Variants in RANBP2 observed in about 807,000 individuals in gnomAD.
RANBP2 encodes the protein RAN binding protein 2.
In RANBP2, 57 loss-of-function variants were observed where a neutral mutation model predicts 303.6. The ratio of observed to expected loss-of-function variants is 0.19; its 90% CI spans 0.15 to 0.23. RANBP2 has a LOEUF of 0.23. RANBP2 is among the 10% of genes least tolerant of loss of function. RANBP2 has a pLI of 1.00. For synonymous variants in RANBP2, 1,167 were observed against 1,301.5 expected, an observed-to-expected ratio of 0.90 and a Z score of 2.23; for missense variants, 3,138 against 3,780.8, an observed-to-expected ratio of 0.83 and a Z score of 4.46.
At chr2:109,466,052 C>T in the RANBP2 span, among the ~76,000 whole-genome samples, 2 of 139,984 alleles carry the variant, frequency 1.4e-5, no homozygotes, top group Non-Finnish European at 3.1e-5. Flanking sequence ...TTTTCATATG[C>T]TTATCTGCTA....
the RANBP2 span, chr2:109,615,355 G>T: frequency 6.2e-7 from 1 of 1,612,674 alleles, no homozygotes; most frequent in Non-Finnish European, 8.5e-7. Context: ...TTGCTCACCT[G>T]CGAGCCCGGC....
At chr2:109,716,124 T>A in the RANBP2 span, among the ~76,000 whole-genome samples, 3 of 152,146 alleles carry the variant, frequency 2.0e-5, 1 homozygote, top group Non-Finnish European at 4.4e-5. Flanking sequence ...GTCGCATGAC[T>A]GAATCCACAT....
At chr2:109,286,132 C>A in the RANBP2 span, among the ~76,000 whole-genome samples, 1 of 152,164 alleles carries the variant, frequency 6.6e-6, no homozygotes, top group Non-Finnish European at 1.5e-5. Flanking sequence ...AGGCCTGGTG[C>A]TTTGTACCTG....
chr2:108,831,700 T>TTCCTTCCTTCCTTCCTTCCTTC, the RANBP2 span, among the ~76,000 whole-genome samples: 2 of 145,152 alleles, frequency 1.4e-5, no homozygotes, highest in African/African-American at 5.2e-5. Flanking sequence ...TGGCACAGAA[T>TTCCTTCCTTCCTTCCTTCCTTC]CTTCCTTCCT....
At chr2:109,103,018 CAG>C in the RANBP2 span, among the ~76,000 whole-genome samples, 8 of 152,156 alleles carry the variant, frequency 5.3e-5, no homozygotes, top group African/African-American at 1.9e-4. Flanking sequence ...TGGCAGCAAA[CAG>C]TGAGCTGCAT....
At chr2:109,542,413 C>T in the RANBP2 span, among the ~76,000 whole-genome samples, 2 of 152,162 alleles carry the variant, frequency 1.3e-5, no homozygotes, top group Admixed American at 6.5e-5. Context: ...TTCTTTTCAA[C>T]CAGAAACTTG....
At chr2:108,913,562 C>T in the RANBP2 span, among the ~76,000 whole-genome samples, 27 of 152,220 alleles carry the variant, frequency 1.8e-4, no homozygotes, top group African/African-American at 6.5e-4. Context: ...CCTGTAATCC[C>T]AGCACTTTGG....
At chr2:109,375,198 C>T in the RANBP2 span, among the ~76,000 whole-genome samples, 1 of 152,264 alleles carries the variant, frequency 6.6e-6, no homozygotes, top group Admixed American at 6.5e-5. Context: ...CTGTGCTCAC[C>T]GGAGATACCT....
At chr2:109,567,893 T>C in the RANBP2 span, 1 of 1,613,902 alleles carries the variant, frequency 6.2e-7, no homozygotes, top group Non-Finnish European at 8.5e-7. Context: ...TGCTGACCAA[T>C]TCACTCATGA....
chr2:108,840,540 C>T, the RANBP2 span, among the ~76,000 whole-genome samples: 5 of 152,130 alleles, frequency 3.3e-5, no homozygotes, highest in South Asian at 2.1e-4. Context: ...TAATTCATAT[C>T]GATGATTTGT....
At chr2:108,833,300 G>C in the RANBP2 span, among the ~76,000 whole-genome samples, 1 of 152,216 alleles carries the variant, frequency 6.6e-6, no homozygotes, top group African/African-American at 2.4e-5. Flanking sequence ...TACCACACTG[G>C]TAAAGATGTT....
At chr2:109,675,971 G>A in the RANBP2 span, among the ~76,000 whole-genome samples, 17 of 152,356 alleles carry the variant, frequency 1.1e-4, no homozygotes, top group African/African-American at 3.8e-4. Context: ...GGATCAGTGA[G>A]AGCACCATAG....
the RANBP2 span, among the ~76,000 whole-genome samples, chr2:109,132,880 T>A: frequency 6.6e-6 from 1 of 152,244 alleles, no homozygotes; most frequent in African/African-American, 2.4e-5. Flanking sequence ...TGGTTCCACA[T>A]TGAGTAATTC....
At chr2:109,515,755 A>G in the RANBP2 span, among the ~76,000 whole-genome samples, 1 of 152,188 alleles carries the variant, frequency 6.6e-6, no homozygotes, top group Non-Finnish European at 1.5e-5. Flanking sequence ...CAGCATTTGC[A>G]TCTGGTGAGG....
At chr2:109,583,051 G>A in the RANBP2 span, among the ~76,000 whole-genome samples, 3 of 152,210 alleles carry the variant, frequency 2.0e-5, no homozygotes, top group Non-Finnish European at 2.9e-5. Context: ...AGACTGAAAT[G>A]TAAGACCTCA....
the RANBP2 span, among the ~76,000 whole-genome samples, chr2:109,506,698 T>C: frequency 6.6e-6 from 1 of 152,258 alleles, no homozygotes; most frequent in Non-Finnish European, 1.5e-5. Context: ...GTTCTGTTGT[T>C]AGCTCTGAAT....
At chr2:109,221,412 G>T in the RANBP2 span, among the ~76,000 whole-genome samples, 1 of 152,050 alleles carries the variant, frequency 6.6e-6, no homozygotes, top group Admixed American at 6.6e-5. Flanking sequence ...GCAAAACCCT[G>T]TCTCTACTAA....
chr2:109,009,967 A>G, the RANBP2 span, among the ~76,000 whole-genome samples: 7 of 152,134 alleles, frequency 4.6e-5, no homozygotes, highest in African/African-American at 1.7e-4. Flanking sequence ...TTCCCATGCC[A>G]TGATAGTCCT....
chr2:109,000,484 G>A, the RANBP2 span, among the ~76,000 whole-genome samples: 1 of 152,126 alleles, frequency 6.6e-6, no homozygotes, highest in Non-Finnish European at 1.5e-5. Context: ...AGTGAGCTAT[G>A]GTCACGCCAC....
Sources: allele counts gnomAD v4.1 joint callset (sites outside exome capture counted in the v4.1 genomes callset), GRCh38; gene constraint gnomAD v4.1.1; transcripts MANE v1.5; gene names NCBI Gene and HGNC (gene_info 2026-07-23, HGNC 2026-07-21).